GLRA2: variants seen among roughly 807,000 people sequenced by gnomAD.
The protein encoded by GLRA2 is glycine receptor alpha 2.
GLRA2 carries 11 observed loss-of-function variants against 31.6 expected under a neutral mutation model. The observed-to-expected ratio is 0.35, with a 90% CI of 0.22 to 0.58. The LOEUF is 0.58. Among genes scored for constraint, GLRA2 ranks in the 20% least tolerant of loss-of-function variants. GLRA2 has a pLI of 0.84. For missense variants in GLRA2, 212 were observed against 351.8 expected (o/e 0.60, Z 3.18); for synonymous variants, 132 against 134.0 (o/e 0.99, Z 0.10).
At chrX:14,625,684 C>G (rs974871833) in intron 7 of GLRA2, among the ~76,000 whole-genome samples, 4 of 111,908 alleles carry the variant, frequency 3.6e-5, no homozygotes, top group Admixed American at 9.5e-5. Context: ...GTCCCCCACT[C>G]TCTTCTGGCT....
At chrX:14,614,372 T>C (rs2090432700) in intron 7 of GLRA2, among the ~76,000 whole-genome samples, 1 of 111,341 alleles carries the variant, frequency 9.0e-6, no homozygotes, top group Non-Finnish European at 1.9e-5. Context: ...AATAATGTAT[T>C]CTCTGGGTGA....
intron 8 of GLRA2, among the ~76,000 whole-genome samples, chrX:14,700,244 A>G (rs1464184587): frequency 9.0e-6 from 1 of 111,145 alleles, no homozygotes; most frequent in Non-Finnish European, 1.9e-5. Flanking sequence ...ATGGAAGTGG[A>G]TAAGATTACC....
At chrX:14,550,273 TA>T (rs2089541654) in intron 2 of GLRA2, among the ~76,000 whole-genome samples, 1 of 107,123 alleles carries the variant, frequency 9.3e-6, no homozygotes, top group East Asian at 2.9e-4. Context: ...TTTTTTTTTT[TA>T]AAATTAAGAT....
the GLRA2 span, among the ~76,000 whole-genome samples, chrX:14,515,710 G>C: frequency 1.3e-4 from 14 of 111,499 alleles, no homozygotes; most frequent in East Asian, 3.9e-3. Flanking sequence ...GGTTATTTTT[G>C]AGTCACTTGT....
At chrX:14,679,545 C>T (rs1054753749) in intron 7 of GLRA2, among the ~76,000 whole-genome samples, 4 of 111,108 alleles carry the variant, frequency 3.6e-5, no homozygotes, top group Non-Finnish European at 7.5e-5. Flanking sequence ...CTTTCAATGC[C>T]TTCTTTTGCC....
chrX:14,462,399 G>A, the GLRA2 span, among the ~76,000 whole-genome samples: 1 of 111,475 alleles, frequency 9.0e-6, no homozygotes, highest in Non-Finnish European at 1.9e-5. Context: ...GGCCTGCCTT[G>A]CTAGGTTGGG....
At chrX:14,678,119 G>A (rs1449044989) in intron 7 of GLRA2, among the ~76,000 whole-genome samples, 2 of 111,850 alleles carry the variant, frequency 1.8e-5, no homozygotes, top group African/African-American at 6.5e-5. Flanking sequence ...AACTACTGGT[G>A]TAGACAAAGT....
intron 4 of GLRA2, among the ~76,000 whole-genome samples, chrX:14,601,386 T>A (rs931638944): frequency 8.9e-6 from 1 of 111,913 alleles, no homozygotes; most frequent in Non-Finnish European, 1.9e-5. Context: ...AAAAAATTAC[T>A]GAACGAAATG....
chrX:14,516,612 G>A, the GLRA2 span, among the ~76,000 whole-genome samples: 8 of 111,352 alleles, frequency 7.2e-5, no homozygotes, highest in Non-Finnish European at 1.5e-4. Context: ...TTGAAACTGA[G>A]CCGGCCATAC....
the GLRA2 span, among the ~76,000 whole-genome samples, chrX:14,453,980 G>C: frequency 9.0e-5 from 10 of 111,601 alleles, no homozygotes; most frequent in Non-Finnish European, 1.5e-4. Flanking sequence ...ATAACATCTT[G>C]ACATAAAATC....
At chrX:14,471,068 A>AC in the GLRA2 span, among the ~76,000 whole-genome samples, 19 of 110,749 alleles carry the variant, frequency 1.7e-4, no homozygotes, top group East Asian at 5.6e-4. Context: ...ATCAGCTGAG[A>AC]CCCCCCCAAA....
intron 8 of GLRA2, among the ~76,000 whole-genome samples, chrX:14,723,168 G>C (rs2091886668): frequency 8.9e-6 from 1 of 111,858 alleles, no homozygotes; most frequent in Admixed American, 9.5e-5. Flanking sequence ...GTATCTATTC[G>C]AATGTCTCAA....
At chrX:14,699,776 A>T (rs759543423) in intron 8 of GLRA2, among the ~76,000 whole-genome samples, 1 of 111,302 alleles carries the variant, frequency 9.0e-6, no homozygotes, top group South Asian at 3.9e-4. Context: ...GTCTACCCCC[A>T]TGAGATCAAA....
In GLRA2 at chrX:14,730,454, T is replaced by C. The variant is rs1199385709; in HGVS notation, c.1328T>C (p.Ile443Thr). The C allele has an allele frequency of 8.3e-7, 1 of 1,204,625 alleles. No homozygotes were observed. The highest frequency in any genetic ancestry group is 1.1e-6 in the Non-Finnish European group (1 of 891,679). ...FNIFYWITYK[I>T]IRHEDVHKK ...ATCTTTTACTGGATCACATACAAGATCATTCGGCATGAAGATGTCCACAAG... is the reference window on the plus strand; with the variant it reads ...ATCTTTTACTGGATCACATACAAGACCATTCGGCATGAAGATGTCCACAAG... The change falls in exon 9 of 9, where the codon ATC becomes ACC. Residue 443 changes from isoleucine to threonine, a missense_variant. This residue lies in a region of GLRA2 where 42 missense variants were observed against 52.0 expected (regional missense o/e 0.81). Coordinates refer to ENST00000218075, the MANE Select transcript of GLRA2 (RefSeq NM_002063.4).
At chrX:14,535,106 C>T (rs1394822326) in intron 2 of GLRA2, among the ~76,000 whole-genome samples, 1 of 111,275 alleles carries the variant, frequency 9.0e-6, no homozygotes, top group African/African-American at 3.3e-5. Flanking sequence ...ATTAAAATAA[C>T]GGTGACTGTT....
chrX:14,554,413 C>A (rs754785556), intron 2 of GLRA2, among the ~76,000 whole-genome samples: 3 of 111,339 alleles, frequency 2.7e-5, no homozygotes, highest in Non-Finnish European at 5.7e-5. Context: ...GAAATGAGAG[C>A]TTAGGTACTA....
intron 2 of GLRA2, among the ~76,000 whole-genome samples, chrX:14,570,714 A>G (rs1465511401): frequency 8.9e-6 from 1 of 111,898 alleles, no homozygotes; most frequent in Non-Finnish European, 1.9e-5. Context: ...ATCTGAAAGC[A>G]AAGATGTTAA....
At chrX:14,713,878 G>A (rs1386136209) in intron 8 of GLRA2, among the ~76,000 whole-genome samples, 1 of 111,022 alleles carries the variant, frequency 9.0e-6, no homozygotes, top group African/African-American at 3.3e-5. Context: ...TGATTTGACT[G>A]GAAATTTAAC....
chrX:14,639,521 G>A (rs2090750925), intron 7 of GLRA2, among the ~76,000 whole-genome samples: 1 of 112,151 alleles, frequency 8.9e-6, no homozygotes, highest in Non-Finnish European at 1.9e-5. Context: ...AATTACTTAT[G>A]TTTTTCTCTA....
Sources: allele counts gnomAD v4.1 joint callset (sites outside exome capture counted in the v4.1 genomes callset), GRCh38; gene constraint gnomAD v4.1.1; regional missense constraint gnomAD v4.1.1; transcripts MANE v1.5; gene names NCBI Gene and HGNC (gene_info 2026-07-23, HGNC 2026-07-21).